The following AOPEP variants were observed in gnomAD, a reference collection of about 807,000 sequenced individuals.
The protein encoded by AOPEP is aminopeptidase O.
In AOPEP, 77 loss-of-function variants were observed where a neutral mutation model predicts 98.1. The ratio of observed to expected loss-of-function variants is 0.78; its 90% confidence interval spans 0.65 to 0.95. The LOEUF is 0.95. Among genes scored for constraint, AOPEP ranks in the 40% least tolerant of loss-of-function variants. AOPEP has a pLI of 0.00. For missense variants in AOPEP, 1,024 were observed against 1,024.7 expected, an observed-to-expected ratio of 1.00 and a Z score of 0.01; for synonymous variants, 346 against 365.3, an observed-to-expected ratio of 0.95 and a Z score of 0.60.
chr9:94,973,793 A>G (rs1216051757), intron 10 of AOPEP, among the ~76,000 whole-genome samples: 1 of 152,256 alleles, frequency 6.6e-6, no homozygotes, highest in African/African-American at 2.4e-5. Context: ...GTGATCAGAC[A>G]TGCAGAAGAG....
rs765422487 is a variant in AOPEP at position 94,792,823 on chromosome 9, T to G, written c.1023T>G (p.Ile341Met). ...CAATGCCAGCCTCCACCTTCACAAT[T>G]GCAGTGGGATGCTGGACAGAAATGA... The part of the protein sequence containing the change: ...TMPMPASTFT[I>M]AVGCWTEMKM... The change falls in exon 4 of 17, where the codon ATT becomes ATG. Residue 341 changes from isoleucine (I) to methionine (M), a missense_variant. Ile to Met is a conservative substitution (Grantham distance 10, BLOSUM62 1). Transcript: ENST00000375315. 195 of 1,613,608 alleles carry G rather than the reference T, an allele frequency of 1.2e-4. No homozygotes were observed. The highest frequency in any genetic ancestry group is 1.6e-4 in the Non-Finnish European group (192 of 1,179,760).
intron 5 of AOPEP, among the ~76,000 whole-genome samples, chr9:94,907,115 A>G (rs546774151): frequency 2.0e-5 from 3 of 152,312 alleles, no homozygotes; most frequent in East Asian, 1.9e-4. Flanking sequence ...TTGAGATTCA[A>G]TGAAAAAGAG....
At chr9:95,149,119 A>C in the AOPEP span, among the ~76,000 whole-genome samples, 1 of 152,216 alleles carries the variant, frequency 6.6e-6, no homozygotes, top group Admixed American at 6.5e-5. Context: ...CATAAAAATA[A>C]GCTATTTGTG....
At chr9:95,099,184 GC>G in the AOPEP span, 1 of 216,546 alleles carries the variant, frequency 4.6e-6, no homozygotes, top group African/African-American at 2.3e-5. Flanking sequence ...GGCGCTCTCC[GC>G]CTCTTCTGTA....
intron 14 of AOPEP, among the ~76,000 whole-genome samples, chr9:95,079,424 G>A (rs996837272): frequency 6.6e-6 from 1 of 152,214 alleles, no homozygotes; most frequent in Non-Finnish European, 1.5e-5. Flanking sequence ...GATAGAAGGA[G>A]GCTCTTCTAA....
intron 7 of AOPEP, chr9:94,931,911 A>G (rs2055378350): frequency 8.6e-7 from 1 of 1,165,086 alleles, no homozygotes; most frequent in African/African-American, 1.6e-5. Flanking sequence ...CTGGCAGGTT[A>G]ACAGTCTCCA....
At chr9:95,096,126 C>T in the AOPEP span, among the ~76,000 whole-genome samples, 2 of 152,166 alleles carry the variant, frequency 1.3e-5, no homozygotes, top group Non-Finnish European at 2.9e-5. Context: ...GATGCCGACG[C>T]TGGGAAAGGC....
At chr9:94,802,576 C>T (rs1472000005) in intron 5 of AOPEP, among the ~76,000 whole-genome samples, 1 of 152,184 alleles carries the variant, frequency 6.6e-6, no homozygotes, top group South Asian at 2.1e-4. Flanking sequence ...ACATGCTTAA[C>T]TCTGTATTTT....
the AOPEP span, chr9:95,150,173 A>G: frequency 2.1e-6 from 3 of 1,419,594 alleles, no homozygotes; most frequent in South Asian, 3.6e-5. Context: ...TAAAAAGGTC[A>G]AAGACAGATC....
intron 5 of AOPEP, among the ~76,000 whole-genome samples, chr9:94,841,349 T>C (rs2042247862): frequency 1.3e-5 from 2 of 152,134 alleles, no homozygotes; most frequent in Non-Finnish European, 2.9e-5. Context: ...TTTTTTTGTA[T>C]TTTTAGTAGA....
At chr9:95,059,693 A>G (rs1486161914) in intron 13 of AOPEP, among the ~76,000 whole-genome samples, 1 of 152,168 alleles carries the variant, frequency 6.6e-6, no homozygotes, top group African/African-American at 2.4e-5. Flanking sequence ...TGTACTGTTG[A>G]CTTGATATCA....
chr9:95,024,629 C>G (rs552433404), intron 13 of AOPEP, among the ~76,000 whole-genome samples: 128 of 152,254 alleles, frequency 8.4e-4, no homozygotes, highest in African/African-American at 2.8e-3. Context: ...GGCCTTTGGC[C>G]GGTTTGTTTG....
intron 15 of AOPEP, among the ~76,000 whole-genome samples, chr9:95,081,706 A>C (rs2069806150): frequency 6.6e-6 from 1 of 152,234 alleles, no homozygotes; most frequent in South Asian, 2.1e-4. Context: ...GGTCTGTTCT[A>C]AAGACCAGAA....
At chr9:94,743,078 G>A (rs1267047826) in intron 1 of AOPEP, among the ~76,000 whole-genome samples, 1 of 152,126 alleles carries the variant, frequency 6.6e-6, no homozygotes, top group African/African-American at 2.4e-5. Context: ...AGACAGGCAT[G>A]TAAGAAGAGA....
At chr9:94,963,033 C>T (rs1009332366) in intron 9 of AOPEP, among the ~76,000 whole-genome samples, 4 of 152,246 alleles carry the variant, frequency 2.6e-5, no homozygotes, top group Admixed American at 6.5e-5. Context: ...CGTGAGCCAC[C>T]GCATCCAGCC....
At chr9:94,822,719 A>C (rs1407536863) in intron 5 of AOPEP, among the ~76,000 whole-genome samples, 1 of 152,178 alleles carries the variant, frequency 6.6e-6, no homozygotes, top group Non-Finnish European at 1.5e-5. Context: ...ATGTCTCCAT[A>C]GCTGATGATA....
At chr9:94,766,492 G>C (rs909026727) in intron 2 of AOPEP, among the ~76,000 whole-genome samples, 25 of 152,194 alleles carry the variant, frequency 1.6e-4, no homozygotes, top group Admixed American at 4.6e-4. Flanking sequence ...AGCTGAGATC[G>C]CGCCACTGCA....
At position 94,885,425 on chromosome 9, in the gene AOPEP, A is replaced by G. The variant is rs560981049; in HGVS notation, c.1365-38561A>G. Among the ~76,000 whole-genome samples the G allele has an allele frequency of 3.3e-5, 5 of 150,230 alleles. No homozygotes were observed. In the East Asian group the frequency reaches 9.7e-4, roughly 29 times the overall value. On this transcript the variant is annotated intron_variant, in intron 5 of 16. Coordinates refer to ENST00000375315, the MANE Select transcript of AOPEP (RefSeq NM_001193329.3). ...CTAGCATTATTATTTTGTACTGAAAAATACAAATATATCCTATATTAGTTA... is the reference window on the plus strand; with the variant it reads ...CTAGCATTATTATTTTGTACTGAAAGATACAAATATATCCTATATTAGTTA...
intron 5 of AOPEP, among the ~76,000 whole-genome samples, chr9:94,865,097 T>C (rs191864565): frequency 6.6e-6 from 1 of 152,332 alleles, no homozygotes; most frequent in East Asian, 1.9e-4. Context: ...CTAACTATGA[T>C]GAAGACCAGA....
Sources: gnomAD v4.1 joint callset for allele counts (sites outside exome capture counted in the v4.1 genomes callset) on GRCh38, gnomAD v4.1.1 for gene constraint, MANE v1.5 for transcripts, NCBI Gene and HGNC (gene_info 2026-07-23, HGNC 2026-07-21) for gene names.